CHODL: variants seen among roughly 807,000 people sequenced by gnomAD.
The protein encoded by CHODL is chondrolectin.
Under a neutral mutation model 34.5 loss-of-function variants are expected in CHODL, and 29 were observed. The ratio of observed to expected loss-of-function variants is 0.84; its 90% CI spans 0.63 to 1.15. The LOEUF (loss-of-function observed/expected upper bound fraction) is 1.15, where lower values mean the gene tolerates loss of function less well. Ranked by LOEUF, CHODL falls within the 50% of genes most tolerant of loss-of-function variation. CHODL has a pLI of 0.00. For synonymous variants in CHODL, 125 were observed against 116.1 expected, an observed-to-expected ratio of 1.08 and a Z score of -0.49; for missense variants, 332 against 332.5, an observed-to-expected ratio of 1.00 and a Z score of 0.01.
chr21:18,081,924 G>T (rs1032172185), intron 2 of CHODL, among the ~76,000 whole-genome samples: 1 of 151,986 alleles, frequency 6.6e-6, no homozygotes, highest in Admixed American at 6.6e-5. Flanking sequence ...TTTGGTTTTT[G>T]TCCTCAACCC....
At chr21:17,918,166 G>A (rs1205631926) in intron 1 of CHODL, among the ~76,000 whole-genome samples, 1 of 151,544 alleles carries the variant, frequency 6.6e-6, no homozygotes, top group Admixed American at 6.6e-5. Context: ...GGGTGAGGGG[G>A]GTTTTCAAGT....
intron 2 of CHODL, among the ~76,000 whole-genome samples, chr21:18,162,958 T>C (rs1186394257): frequency 6.6e-6 from 1 of 152,198 alleles, no homozygotes; most frequent in Non-Finnish European, 1.5e-5. Context: ...TTCATTTTGA[T>C]TGCTATACTG....
At chr21:18,195,787 TCAC>T (rs964069184) in intron 2 of CHODL, among the ~76,000 whole-genome samples, 4 of 152,196 alleles carry the variant, frequency 2.6e-5, no homozygotes, top group Non-Finnish European at 5.9e-5. Context: ...CCTGTATTGT[TCAC>T]CACTGTATCC....
At chr21:18,096,743 T>C (rs1204923248) in intron 2 of CHODL, among the ~76,000 whole-genome samples, 1 of 152,192 alleles carries the variant, frequency 6.6e-6, no homozygotes, top group Non-Finnish European at 1.5e-5. Context: ...TCTGGCCTTG[T>C]GATCTTGCTC....
intron 2 of CHODL, among the ~76,000 whole-genome samples, chr21:18,109,703 A>T (rs2065323543): frequency 1.3e-5 from 2 of 152,154 alleles, no homozygotes; most frequent in Admixed American, 1.3e-4. Flanking sequence ...TAAATAAATA[A>T]TTTTTTTAAG....
At chr21:18,222,279 G>A (rs2073891821) in intron 2 of CHODL, among the ~76,000 whole-genome samples, 1 of 152,086 alleles carries the variant, frequency 6.6e-6, no homozygotes. Flanking sequence ...TGGTGGTGTG[G>A]TTGCAATCCT....
chr21:18,113,559 G>A (rs1049468097), intron 2 of CHODL, among the ~76,000 whole-genome samples: 1 of 152,168 alleles, frequency 6.6e-6, no homozygotes, highest in African/African-American at 2.4e-5. Flanking sequence ...CGCATGGCTG[G>A]AGCAGGAGGA....
At chr21:18,085,118 G>T (rs2064990380) in intron 2 of CHODL, among the ~76,000 whole-genome samples, 2 of 151,472 alleles carry the variant, frequency 1.3e-5, no homozygotes, top group South Asian at 4.2e-4. Flanking sequence ...TTTGCTTTTG[G>T]TTTCCATTTG....
chr21:18,132,964 T>C (rs1477090636), intron 2 of CHODL, among the ~76,000 whole-genome samples: 1 of 152,138 alleles, frequency 6.6e-6, no homozygotes, highest in Non-Finnish European at 1.5e-5. Flanking sequence ...AACCTATGAC[T>C]CTCGAGTCTT....
chr21:18,039,070 C>T (rs1241816546), intron 2 of CHODL, among the ~76,000 whole-genome samples: 1 of 151,568 alleles, frequency 6.6e-6, no homozygotes, highest in Non-Finnish European at 1.5e-5. Flanking sequence ...AATTTTCATT[C>T]CATCCCATTT....
chr21:17,953,749 C>T (rs576275132), intron 1 of CHODL, among the ~76,000 whole-genome samples: 30 of 152,146 alleles, frequency 2.0e-4, no homozygotes, highest in African/African-American at 6.5e-4. Flanking sequence ...TGGTGGCTCA[C>T]GCCTGTAATT....
At chr21:18,077,482 AG>A (rs2064880394) in intron 2 of CHODL, among the ~76,000 whole-genome samples, 1 of 152,144 alleles carries the variant, frequency 6.6e-6, no homozygotes, top group Non-Finnish European at 1.5e-5. Context: ...CAAGGGACAG[AG>A]GGCTATGGTC....
chr21:18,203,717 A>C (rs1378359665), intron 2 of CHODL, among the ~76,000 whole-genome samples: 4 of 152,150 alleles, frequency 2.6e-5, no homozygotes, highest in Non-Finnish European at 4.4e-5. Flanking sequence ...CTAATTTGAC[A>C]TTAATCAAAG....
chr21:18,049,813 G>A (rs573531920), intron 2 of CHODL, among the ~76,000 whole-genome samples: 8 of 151,988 alleles, frequency 5.3e-5, no homozygotes, highest in African/African-American at 1.7e-4. Flanking sequence ...CTTCAAATAC[G>A]GCTGCATTAT....
intron 2 of CHODL, among the ~76,000 whole-genome samples, chr21:18,229,258 G>A (rs966639707): frequency 4.6e-5 from 7 of 152,100 alleles, no homozygotes; most frequent in Non-Finnish European, 7.4e-5. Flanking sequence ...TTGTGTATTC[G>A]TAAGATTTTC....
At chr21:18,096,108 A>G (rs534883744) in intron 2 of CHODL, among the ~76,000 whole-genome samples, 10 of 152,254 alleles carry the variant, frequency 6.6e-5, no homozygotes, top group Admixed American at 2.6e-4. Flanking sequence ...CTTTACTGCA[A>G]TCTCTGAACA....
intron 2 of CHODL, among the ~76,000 whole-genome samples, chr21:18,197,062 A>T (rs775017954): frequency 5.9e-5 from 9 of 152,206 alleles, no homozygotes; most frequent in Non-Finnish European, 1.3e-4. Context: ...CATAGTAATA[A>T]TTTCACAATG....
intron 2 of CHODL, among the ~76,000 whole-genome samples, chr21:18,196,650 A>C (rs73316226): frequency 2.1e-3 from 324 of 152,352 alleles, no homozygotes; most frequent in African/African-American, 7.3e-3. Context: ...ACACAGTGTG[A>C]AACTAAAATT....
At chr21:18,265,310 CAT>C (rs149734647) in intron 5 of CHODL, among the ~76,000 whole-genome samples, 12 of 147,214 alleles carry the variant, frequency 8.2e-5, no homozygotes, top group Non-Finnish European at 1.2e-4. Flanking sequence ...CACACACACA[CAT>C]ATATATATAT....
Sources: gnomAD v4.1 joint callset for allele counts (sites outside exome capture counted in the v4.1 genomes callset) on GRCh38, gnomAD v4.1.1 for gene constraint, MANE v1.5 for transcripts, NCBI Gene and HGNC (gene_info 2026-07-23, HGNC 2026-07-21) for gene names.